LGSN: variants seen among roughly 807,000 people sequenced by gnomAD.
LGSN encodes the protein lengsin, lens protein with glutamine synthetase domain.
Under a neutral mutation model 19.5 loss-of-function variants are expected in LGSN, and 21 were observed. The ratio of observed to expected loss-of-function variants is 1.07; its 90% CI spans 0.76 to 1.55. The LOEUF (loss-of-function observed/expected upper bound fraction) is 1.55. Among genes scored for constraint, LGSN ranks in the 40% most tolerant of loss-of-function variants. The pLI, the probability that LGSN is intolerant of heterozygous loss-of-function variation, is 0.00. For synonymous variants in LGSN, 257 were observed against 215.6 expected (o/e 1.19, Z -1.68); for missense variants, 673 against 608.5 (o/e 1.11, Z -1.12).
chr6:63,510,423 C>G, the LGSN span, among the ~76,000 whole-genome samples: 3 of 149,282 alleles, frequency 2.0e-5, no homozygotes, highest in African/African-American at 7.4e-5. Flanking sequence ...CTAGTTACCA[C>G]TTAATCTTTC....
chr6:63,548,560 C>T, the LGSN span: 3 of 253,374 alleles, frequency 1.2e-5, no homozygotes, highest in African/African-American at 6.8e-5. Flanking sequence ...ATTCCTCTCT[C>T]CAAGCACAGC....
the LGSN span, among the ~76,000 whole-genome samples, chr6:63,512,026 C>T: frequency 6.6e-6 from 1 of 151,994 alleles, no homozygotes; most frequent in Non-Finnish European, 1.5e-5. Flanking sequence ...GGTAGTTCTG[C>T]TCCTGGACTG....
At chr6:63,455,352 T>C in the LGSN span, among the ~76,000 whole-genome samples, 1 of 152,262 alleles carries the variant, frequency 6.6e-6, no homozygotes, top group Non-Finnish European at 1.5e-5. Context: ...TTCAGGTACC[T>C]GGCATTTGTG....
chr6:63,307,785 C>T (rs1384346291), intron 1 of LGSN, among the ~76,000 whole-genome samples: 1 of 152,088 alleles, frequency 6.6e-6, no homozygotes, highest in Non-Finnish European at 1.5e-5. Flanking sequence ...CCTCACAGGC[C>T]CTGGCCAGCC....
chr6:63,553,281 C>A, the LGSN span, among the ~76,000 whole-genome samples: 1 of 152,136 alleles, frequency 6.6e-6, no homozygotes, highest in East Asian at 1.9e-4. Context: ...ATTTTGTACC[C>A]AAAACCATGC....
chr6:63,411,423 A>G, the LGSN span, among the ~76,000 whole-genome samples: 1 of 152,206 alleles, frequency 6.6e-6, no homozygotes, highest in African/African-American at 2.4e-5. Context: ...TATCTCCTCC[A>G]TTACTGAATT....
chr6:63,310,286 G>A (rs963068431), intron 1 of LGSN, among the ~76,000 whole-genome samples: 4 of 152,156 alleles, frequency 2.6e-5, no homozygotes, highest in South Asian at 4.1e-4. Flanking sequence ...TTTGGGGACA[G>A]AAGGGCTACA....
At chr6:63,544,673 G>A in the LGSN span, among the ~76,000 whole-genome samples, 1 of 152,056 alleles carries the variant, frequency 6.6e-6, no homozygotes, top group Non-Finnish European at 1.5e-5. Context: ...ATTAGTACAA[G>A]CCAATTATAC....
At chr6:63,560,574 AT>A in the LGSN span, among the ~76,000 whole-genome samples, 1 of 151,118 alleles carries the variant, frequency 6.6e-6, no homozygotes, top group Admixed American at 6.6e-5. Flanking sequence ...TAATCTGTGT[AT>A]TTTTTTTAAG....
the LGSN span, among the ~76,000 whole-genome samples, chr6:63,362,084 G>A: frequency 1.9e-4 from 29 of 152,264 alleles, no homozygotes; most frequent in South Asian, 1.7e-3. Context: ...TAACATGCAC[G>A]GGGCTGTCAT....
intron 3 of LGSN, among the ~76,000 whole-genome samples, chr6:63,283,091 T>C (rs925030333): frequency 6.6e-6 from 1 of 152,192 alleles, no homozygotes; most frequent in Non-Finnish European, 1.5e-5. Context: ...ACTCAAACCA[T>C]AGTAAAAAGT....
chr6:63,314,146 C>G (rs776219645), intron 1 of LGSN, among the ~76,000 whole-genome samples: 105 of 152,078 alleles, frequency 6.9e-4, no homozygotes, highest in Non-Finnish European at 1.4e-3. Context: ...TACAGTAAAC[C>G]CTAACACCTA....
chr6:63,353,020 C>T, the LGSN span, among the ~76,000 whole-genome samples: 9 of 152,054 alleles, frequency 5.9e-5, no homozygotes, highest in Admixed American at 1.3e-4. Flanking sequence ...AAGACAGACA[C>T]GTGACCCTGG....
chr6:63,381,781 A>G, the LGSN span, among the ~76,000 whole-genome samples: 2 of 152,236 alleles, frequency 1.3e-5, no homozygotes, highest in Non-Finnish European at 2.9e-5. Context: ...AGCTCCAGAC[A>G]CAGCAAGCAA....
At chr6:63,375,832 A>T in the LGSN span, among the ~76,000 whole-genome samples, 1 of 152,188 alleles carries the variant, frequency 6.6e-6, no homozygotes, top group South Asian at 2.1e-4. Flanking sequence ...CTAATCAAAA[A>T]TATTGCCTAT....
At chr6:63,449,921 A>T in the LGSN span, among the ~76,000 whole-genome samples, 1 of 152,228 alleles carries the variant, frequency 6.6e-6, no homozygotes, top group East Asian at 1.9e-4. Context: ...TTATCAAATG[A>T]AAACATACCC....
chr6:63,531,928 G>A, the LGSN span, among the ~76,000 whole-genome samples: 2 of 151,708 alleles, frequency 1.3e-5, no homozygotes, highest in East Asian at 1.9e-4. Flanking sequence ...AGCCTCCCGA[G>A]TAGCTGGAAT....
At chr6:63,468,091 CTG>C in the LGSN span, among the ~76,000 whole-genome samples, 3 of 152,120 alleles carry the variant, frequency 2.0e-5, no homozygotes, top group Admixed American at 6.6e-5. Flanking sequence ...AAAATTCAGT[CTG>C]TAACAATCAG....
the LGSN span, among the ~76,000 whole-genome samples, chr6:63,405,072 T>C: frequency 6.6e-6 from 1 of 150,924 alleles, no homozygotes; most frequent in African/African-American, 2.4e-5. Flanking sequence ...TTTTTGTTCT[T>C]GCGATAGTTT....
Sources: allele counts gnomAD v4.1 joint callset (sites outside exome capture counted in the v4.1 genomes callset), GRCh38; gene constraint gnomAD v4.1.1; transcripts MANE v1.5; gene names NCBI Gene and HGNC (gene_info 2026-07-23, HGNC 2026-07-21).